B3GALT1: variants seen among roughly 807,000 people sequenced by gnomAD.
The protein encoded by B3GALT1 is UDP-Gal:betaGlcNAc beta 1,3-galactosyltransferase, polypeptide 1.
Under a neutral mutation model 23.2 loss-of-function variants are expected in B3GALT1, and 10 were observed. The ratio of observed to expected loss-of-function variants is 0.43; its 90% confidence interval spans 0.27 to 0.73. B3GALT1 has a LOEUF of 0.73. Among genes scored for constraint, B3GALT1 ranks in the 30% least tolerant of loss-of-function variants. The pLI is 0.21. For synonymous variants in B3GALT1, 156 were observed against 141.5 expected, an observed-to-expected ratio of 1.10 and a Z score of -0.73; for missense variants, 299 against 405.4, an observed-to-expected ratio of 0.74 and a Z score of 2.25.
intron 1 of B3GALT1, among the ~76,000 whole-genome samples, chr2:167,316,080 T>G (rs1464524525): frequency 6.8e-6 from 1 of 146,608 alleles, no homozygotes; most frequent in Admixed American, 7.1e-5. Flanking sequence ...AGCAGTTATA[T>G]TTTTTTTTAC....
intron 1 of B3GALT1, among the ~76,000 whole-genome samples, chr2:167,411,876 A>G (rs1309616248): frequency 6.6e-6 from 1 of 152,214 alleles, no homozygotes; most frequent in African/African-American, 2.4e-5. Context: ...TGCAGCCATA[A>G]AACAAATGAA....
rs78545960 is a variant in B3GALT1, at chr2:167,821,987, T to C, written c.-230+3194T>C. Reference sequence around the variant, plus strand: ...TATCCTTAATATAGTCTAGGCTTAGTGCTAGGTGCTTTCATATGCATTACT... The same window carrying C: ...TATCCTTAATATAGTCTAGGCTTAGCGCTAGGTGCTTTCATATGCATTACT... On this transcript the variant is annotated intron_variant, in intron 4 of 4. Coordinates refer to ENST00000392690, the MANE Select transcript of B3GALT1 (RefSeq NM_020981.4). Among the ~76,000 whole-genome samples, 1,484 of 152,326 alleles carry C rather than the reference T, an allele frequency of 9.7e-3. 30 individuals are homozygous for C. The highest frequency in any genetic ancestry group is 0.034 in the African/African-American group (1,415 of 41,556).
chr2:167,619,881 G>T (rs918655491), intron 2 of B3GALT1, among the ~76,000 whole-genome samples: 3 of 152,054 alleles, frequency 2.0e-5, no homozygotes, highest in Non-Finnish European at 2.9e-5. Flanking sequence ...GTATGCACTG[G>T]TAATCAAAAA....
Position 167,340,856 on chromosome 2 carries a change from A to G in B3GALT1, c.-511+47522A>G, listed in dbSNP as rs574813017. 1.5e-4 allele frequency among the ~76,000 whole-genome samples: 23 copies of G among 152,364 alleles called. 2 individuals carry two copies. In the South Asian group the frequency reaches 4.6e-3, roughly 30 times the overall value. On this transcript the variant is annotated intron_variant, in intron 1 of 4. Coordinates refer to ENST00000392690, the MANE Select transcript of B3GALT1 (RefSeq NM_020981.4). ...AAGCATGAAATTGATAATGTAAAGA[A>G]ACAGGCACTCAATGAGTCAGTTTTT...
intron 3 of B3GALT1, among the ~76,000 whole-genome samples, chr2:167,728,163 G>A (rs1347464116): frequency 7.9e-5 from 12 of 152,140 alleles, no homozygotes; most frequent in Admixed American, 5.9e-4. Context: ...AAGGGGGAGC[G>A]GATCACCTGA....
At chr2:167,447,810 TG>T (rs1699024521) in intron 1 of B3GALT1, among the ~76,000 whole-genome samples, 1 of 152,160 alleles carries the variant, frequency 6.6e-6, no homozygotes, top group Non-Finnish European at 1.5e-5. Flanking sequence ...TTGTGCTTCC[TG>T]GGTGAGGCGA....
intron 2 of B3GALT1, among the ~76,000 whole-genome samples, chr2:167,562,219 C>T (rs1684014548): frequency 6.6e-6 from 1 of 152,180 alleles, no homozygotes; most frequent in South Asian, 2.1e-4. Context: ...ATGATTATCT[C>T]AATAGATGCA....
intron 2 of B3GALT1, among the ~76,000 whole-genome samples, chr2:167,575,871 C>G (rs1287831275): frequency 6.6e-6 from 1 of 151,668 alleles, no homozygotes; most frequent in Non-Finnish European, 1.5e-5. Context: ...GTTTTCAAAA[C>G]AGGGAGTTCA....
chr2:167,328,080 A>G (rs140110633), intron 1 of B3GALT1, among the ~76,000 whole-genome samples: 2,181 of 152,238 alleles, frequency 0.014, 11 homozygotes, highest in Non-Finnish European at 0.022. Flanking sequence ...CCACTTAATC[A>G]TGGTGTATTT....
intron 1 of B3GALT1, among the ~76,000 whole-genome samples, chr2:167,431,038 G>A (rs927315876): frequency 2.6e-5 from 4 of 152,058 alleles, no homozygotes; most frequent in Non-Finnish European, 5.9e-5. Flanking sequence ...GAATTCTTTG[G>A]CATGAAACTG....
chr2:167,854,910 A>C (rs1166020826), intron 4 of B3GALT1, among the ~76,000 whole-genome samples: 1 of 152,216 alleles, frequency 6.6e-6, no homozygotes, highest in Non-Finnish European at 1.5e-5. Flanking sequence ...ATTGTAGCAG[A>C]GATGAGCAGC....
chr2:167,420,903 G>A (rs1465475730), intron 1 of B3GALT1, among the ~76,000 whole-genome samples: 12 of 152,166 alleles, frequency 7.9e-5, no homozygotes, highest in African/African-American at 1.9e-4. Flanking sequence ...GACATTATTC[G>A]ATATTGGAAT....
At chr2:167,840,715 A>G (rs1689625904) in intron 4 of B3GALT1, among the ~76,000 whole-genome samples, 4 of 151,254 alleles carry the variant, frequency 2.6e-5, no homozygotes, top group African/African-American at 9.8e-5. Context: ...TGCTATAAAG[A>G]CACATGCACA....
At chr2:167,573,428 T>C (rs1684332128) in intron 2 of B3GALT1, among the ~76,000 whole-genome samples, 1 of 151,740 alleles carries the variant, frequency 6.6e-6, no homozygotes, top group Admixed American at 6.6e-5. Context: ...TTCATTCCAG[T>C]GGTTATTGCT....
rs545518617 is a variant in B3GALT1 at position 167,694,592 on chromosome 2, A to C, written c.-352+47626A>C. 1.4e-4 allele frequency among the ~76,000 whole-genome samples: 21 copies of C among 152,272 alleles called. No homozygotes were observed. In the South Asian group the frequency reaches 4.3e-3, roughly 32 times the overall value. On this transcript the variant is annotated intron_variant, in intron 3 of 4. Coordinates refer to ENST00000392690, the MANE Select transcript of B3GALT1 (RefSeq NM_020981.4). ...AATTTTAAAGAAAAAGTAAGAAAAA[A>C]AAGTTGGCTAGGCCTTTTCTGTTCA... is the stretch of plus-strand genomic sequence containing the variant.
chr2:167,577,763 G>A (rs1285046913), intron 2 of B3GALT1, among the ~76,000 whole-genome samples: 3 of 151,740 alleles, frequency 2.0e-5, no homozygotes, highest in Non-Finnish European at 4.4e-5. Context: ...GTCATGCAGT[G>A]TTATGGAAGA....
chr2:167,840,532 G>T lies in B3GALT1; in HGVS notation c.-230+21739G>T, dbSNP rs1202546649. 1.0e-4 allele frequency among the ~76,000 whole-genome samples: 15 copies of T among 148,032 alleles called. No homozygotes were observed. In the East Asian group the frequency reaches 3.0e-3, roughly 30 times the overall value. On this transcript the variant is annotated intron_variant, in intron 4 of 4. Transcript: ENST00000392690. ...ATTAAAAAGTCAGGAAACAACAGGT[G>T]CTGGAGAGGATGTGGAGAAATAGGA...
chr2:167,844,588 C>T (rs748153317), intron 4 of B3GALT1, among the ~76,000 whole-genome samples: 12 of 152,212 alleles, frequency 7.9e-5, no homozygotes, highest in Non-Finnish European at 1.8e-4. Context: ...AGCAGAAAGG[C>T]CTTGGGAGCT....
chr2:167,297,802 C>A (rs903225187), intron 1 of B3GALT1, among the ~76,000 whole-genome samples: 3 of 152,072 alleles, frequency 2.0e-5, no homozygotes, highest in Admixed American at 2.0e-4. Flanking sequence ...TGAAATTATA[C>A]TCCGAAGAAG....
Sources: gnomAD v4.1 joint callset for allele counts (sites outside exome capture counted in the v4.1 genomes callset) on GRCh38, gnomAD v4.1.1 for gene constraint, MANE v1.5 for transcripts, NCBI Gene and HGNC (gene_info 2026-07-23, HGNC 2026-07-21) for gene names.